Variants in ERGIC1 observed in about 807,000 individuals in gnomAD.
ERGIC1 encodes the protein endoplasmic reticulum-Golgi intermediate compartment protein 1.
Under a neutral mutation model 38.3 loss-of-function variants are expected in ERGIC1, and 19 were observed. The observed-to-expected ratio is 0.50, with a 90% confidence interval of 0.35 to 0.73. The LOEUF (loss-of-function observed/expected upper bound fraction) is 0.73, where lower values mean the gene tolerates loss of function less well. Ranked by LOEUF, ERGIC1 falls within the 30% of genes least tolerant of loss-of-function variation. The pLI, the probability that ERGIC1 is intolerant of heterozygous loss-of-function variation, is 0.01. For missense variants in ERGIC1, 294 were observed against 389.2 expected, an observed-to-expected ratio of 0.76 and a Z score of 2.06; for synonymous variants, 124 against 157.6, an observed-to-expected ratio of 0.79 and a Z score of 1.60.
chr5:172,892,073 T>TTTG (rs1561720676), intron 2 of ERGIC1, among the ~76,000 whole-genome samples: 13 of 146,816 alleles, frequency 8.9e-5, no homozygotes, highest in Non-Finnish European at 1.3e-4. Flanking sequence ...TTTTTTTTTT[T>TTTG]TTTTTTTTTT....
At position 172,834,779 on chromosome 5, in the gene ERGIC1, C is replaced by T. The variant is rs1760994025; in HGVS notation, c.20+346C>T. Among the ~76,000 whole-genome samples the T allele has an allele frequency of 6.6e-6, 1 of 152,212 alleles. No individual in the cohort carries two copies. Among genetic ancestry groups the T allele is most frequent in the South Asian group, 2.1e-4 (1 of 4,832 alleles). ...GCCCATAACACCCCAGCATCCCTCT[C>T]CTCCCTCTACTGAGCCTCCTTGGTG... On this transcript the variant is annotated intron_variant, in intron 1 of 9. Transcript: ENST00000393784. The surrounding 1 kb of genome is among the most constrained non-coding windows in gnomAD (Gnocchi z 4.1).
chr5:172,899,632 T>C (rs1762820768), intron 3 of ERGIC1, among the ~76,000 whole-genome samples: 1 of 152,130 alleles, frequency 6.6e-6, no homozygotes, highest in Non-Finnish European at 1.5e-5. Context: ...GACTCACTTC[T>C]TGATGATGAG....
chr5:172,884,548 T>C (rs1029222431), intron 1 of ERGIC1, among the ~76,000 whole-genome samples: 1 of 152,210 alleles, frequency 6.6e-6, no homozygotes, highest in African/African-American at 2.4e-5. Context: ...AGCCACTGAC[T>C]GTGTCTGGCC....
chr5:172,863,986 A>C lies in ERGIC1; in HGVS notation c.21-24713A>C, dbSNP rs116740027. Among the ~76,000 whole-genome samples the C allele has an allele frequency of 4.1e-3, 622 of 152,294 alleles. 3 individuals are homozygous for C. Among genetic ancestry groups the C allele is most frequent in the African/African-American group, 0.014 (591 of 41,558 alleles). On this transcript the variant is annotated intron_variant, in intron 1 of 9. Transcript: ENST00000393784. ...AGAGGCGGGCGGATCACTTGCGGTC[A>C]GGAGGTTGAGACTAGCGTGACCAAC...
intron 1 of ERGIC1, among the ~76,000 whole-genome samples, chr5:172,854,339 G>A (rs1229741077): frequency 1.3e-5 from 2 of 152,146 alleles, no homozygotes; most frequent in Non-Finnish European, 1.5e-5. Flanking sequence ...CTGTGTTCAC[G>A]CCACTTCCAC....
chr5:172,871,323 C>T (rs1364087376), intron 1 of ERGIC1, among the ~76,000 whole-genome samples: 1 of 152,190 alleles, frequency 6.6e-6, no homozygotes, highest in African/African-American at 2.4e-5. Flanking sequence ...ACGCTCCCTG[C>T]CTCGAGGCCT....
intron 1 of ERGIC1, among the ~76,000 whole-genome samples, chr5:172,862,245 T>G (rs968718779): frequency 3.3e-5 from 4 of 121,700 alleles, no homozygotes; most frequent in African/African-American, 1.3e-4. Flanking sequence ...ACCGCAGCCT[T>G]CCAAAGTGCT....
intron 7 of ERGIC1, among the ~76,000 whole-genome samples, chr5:172,929,777 C>T (rs1157396412): frequency 6.6e-6 from 1 of 152,092 alleles, no homozygotes; most frequent in African/African-American, 2.4e-5. Flanking sequence ...TTATTGAGCA[C>T]CTACTATATG....
At chr5:172,922,778 C>T (rs1222152327) in intron 5 of ERGIC1, among the ~76,000 whole-genome samples, 1 of 152,168 alleles carries the variant, frequency 6.6e-6, no homozygotes, top group African/African-American at 2.4e-5. Flanking sequence ...GAATAGAAGC[C>T]GTGGAGGGTT....
At chr5:172,930,223 T>G (rs1763747332) in intron 7 of ERGIC1, among the ~76,000 whole-genome samples, 1 of 151,772 alleles carries the variant, frequency 6.6e-6, no homozygotes, top group Admixed American at 6.6e-5. Context: ...GGTCCTATTT[T>G]AGGAAAATAC....
intron 1 of ERGIC1, among the ~76,000 whole-genome samples, chr5:172,858,752 G>A (rs931327293): frequency 6.6e-6 from 1 of 152,196 alleles, no homozygotes; most frequent in Non-Finnish European, 1.5e-5. Flanking sequence ...GCATGGGTGG[G>A]GGTCCGCTGT....
At chr5:172,920,360 C>G in intron 5 of ERGIC1, 1 of 717,914 alleles carries the variant, frequency 1.4e-6, no homozygotes, top group Non-Finnish European at 2.6e-6. Flanking sequence ...TATCCGACCC[C>G]CAGGAAGTTG....
intron 6 of ERGIC1, among the ~76,000 whole-genome samples, chr5:172,925,961 G>A (rs186780455): frequency 3.3e-5 from 5 of 152,312 alleles, no homozygotes; most frequent in African/African-American, 9.6e-5. Flanking sequence ...CTTCACATCT[G>A]CTATACGTTC....
chr5:172,886,302 C>T (rs1414268876), intron 1 of ERGIC1, among the ~76,000 whole-genome samples: 2 of 151,602 alleles, frequency 1.3e-5, no homozygotes, highest in African/African-American at 4.9e-5. Context: ...TTTGCTTCTG[C>T]TCCTCTCCTT....
intron 1 of ERGIC1, among the ~76,000 whole-genome samples, chr5:172,850,220 G>T (rs1761369195): frequency 1.3e-5 from 2 of 152,198 alleles, no homozygotes; most frequent in South Asian, 4.1e-4. Flanking sequence ...GGTCACACTT[G>T]AAGCCAGGTG....
intron 3 of ERGIC1, among the ~76,000 whole-genome samples, chr5:172,902,766 C>T (rs543276012): frequency 1.3e-5 from 2 of 152,362 alleles, no homozygotes; most frequent in East Asian, 1.9e-4. Flanking sequence ...CCCTCCACCC[C>T]ACCCCAAGCC....
intron 1 of ERGIC1, among the ~76,000 whole-genome samples, chr5:172,871,443 G>A (rs1223825651): frequency 6.6e-6 from 1 of 152,190 alleles, no homozygotes; most frequent in African/African-American, 2.4e-5. Flanking sequence ...CTTGTCTGAT[G>A]AGCCCCATCC....
chr5:172,909,895 A>G (rs1763164477), intron 4 of ERGIC1, 134 bp downstream of exon 4: 2 of 764,838 alleles, frequency 2.6e-6, no homozygotes, highest in South Asian at 1.5e-5. Context: ...GGAGGAGAAT[A>G]TAATTGCGTA....
intron 4 of ERGIC1, among the ~76,000 whole-genome samples, chr5:172,913,199 G>A (rs1320919650): frequency 7.2e-5 from 11 of 152,238 alleles, no homozygotes; most frequent in Non-Finnish European, 1.5e-4. Context: ...CCTCCTCCAC[G>A]CACCTGCATT....
Sources: gnomAD v4.1 joint callset for allele counts (sites outside exome capture counted in the v4.1 genomes callset) on GRCh38, gnomAD v4.1.1 for gene constraint, Gnocchi (gnomAD v3.1) non-coding constraint, MANE v1.5 for transcripts, NCBI Gene and HGNC (gene_info 2026-07-23, HGNC 2026-07-21) for gene names.